Variants in SYTL2 observed in about 807,000 individuals in gnomAD.
The protein encoded by SYTL2 is synaptotagmin like 2.
In SYTL2, 165 loss-of-function variants were observed where a neutral mutation model predicts 198.7. The ratio of observed to expected loss-of-function variants is 0.83; its 90% CI spans 0.73 to 0.94. The LOEUF (loss-of-function observed/expected upper bound fraction) is 0.94. Among genes scored for constraint, SYTL2 ranks in the 40% least tolerant of loss-of-function variants. The pLI is 0.00. For synonymous variants in SYTL2, 966 were observed against 917.7 expected (o/e 1.05, Z -0.95); for missense variants, 2,835 against 2,582.8 (o/e 1.10, Z -2.12).
intron 1 of SYTL2, among the ~76,000 whole-genome samples, chr11:85,792,063 G>C (rs192334012): frequency 1.2e-4 from 19 of 152,200 alleles, no homozygotes; most frequent in Non-Finnish European, 2.5e-4. Context: ...ATTTGGGGAT[G>C]TACCCAGTAA....
At chr11:85,776,264 TTTATTA>T (rs975600534) in intron 1 of SYTL2, among the ~76,000 whole-genome samples, 12 of 152,210 alleles carry the variant, frequency 7.9e-5, no homozygotes, top group East Asian at 5.8e-4. Context: ...AAATAAACCT[TTTATTA>T]TTATTAAGTT....
chr11:85,707,637 T>A, intron 14 of SYTL2, 106 bp from the exon 15 acceptor site: 1 of 748,978 alleles, frequency 1.3e-6, no homozygotes, highest in South Asian at 1.7e-5. Flanking sequence ...AATTATTTCA[T>A]GACACTGAGA....
intron 1 of SYTL2, among the ~76,000 whole-genome samples, chr11:85,778,137 A>T (rs1331109340): frequency 5.3e-5 from 8 of 152,056 alleles, no homozygotes; most frequent in African/African-American, 1.9e-4. Context: ...TACTAGTGAG[A>T]CTTTAGTCAA....
Position 85,724,630 on chromosome 11 carries a change from A to C in SYTL2, c.4728T>G (p.Thr1576=), listed in dbSNP as rs771537010. Residue 1576 remains threonine, a synonymous_variant, in exon 8 of 20, where the codon ACT becomes ACG. Transcript: ENST00000359152. Reference sequence around the variant, plus strand: ...CCTGGGGCTGATAAGGAGGAGCTTCAGTTATTTCTTTAAGAAGTTTCTCAA... The same window carrying C: ...CCTGGGGCTGATAAGGAGGAGCTTCCGTTATTTCTTTAAGAAGTTTCTCAA... The part of the protein sequence containing the change: ...AGFEKLLKEI[T]EAPPYQPQVS... The C allele has an allele frequency of 2.5e-6, 4 of 1,613,234 alleles. No homozygotes were observed. The Admixed American group carries it at 6.7e-5, about 27-fold the overall frequency.
At chr11:85,728,195 C>A (rs115988447) in intron 7 of SYTL2, among the ~76,000 whole-genome samples, 1 of 152,158 alleles carries the variant, frequency 6.6e-6, no homozygotes, top group African/African-American at 2.4e-5. Context: ...CCTGGAAGTA[C>A]ATGGTATAGA....
At chr11:85,717,330 A>C (rs1302156277) in intron 11 of SYTL2, among the ~76,000 whole-genome samples, 153 bp downstream of exon 11, 2 of 152,230 alleles carry the variant, frequency 1.3e-5, no homozygotes, top group Non-Finnish European at 2.9e-5. Context: ...AATGTTTTCA[A>C]TAAAACCCTT....
intron 6 of SYTL2, among the ~76,000 whole-genome samples, chr11:85,735,674 C>T (rs1450456974): frequency 6.6e-6 from 1 of 151,818 alleles, no homozygotes; most frequent in East Asian, 1.9e-4. Context: ...CTAGAAGCCC[C>T]GGAACCCGGG....
intron 12 of SYTL2, among the ~76,000 whole-genome samples, 180 bp downstream of exon 12, chr11:85,714,233 T>C (rs1483293761): frequency 6.6e-6 from 1 of 152,248 alleles, no homozygotes; most frequent in Non-Finnish European, 1.5e-5. Flanking sequence ...TTGAGTCAAA[T>C]GAGATGTGCC....
the SYTL2 span, among the ~76,000 whole-genome samples, chr11:85,852,236 C>G: frequency 6.6e-6 from 1 of 152,144 alleles, no homozygotes; most frequent in Non-Finnish European, 1.5e-5. Flanking sequence ...ACGAAGGGAG[C>G]AGGGAAGCCT....
intron 13 of SYTL2, among the ~76,000 whole-genome samples, chr11:85,710,912 G>A (rs1035859882): frequency 6.6e-6 from 1 of 151,868 alleles, no homozygotes. Flanking sequence ...ACCCCACAAA[G>A]ATTTGTTTAT....
intron 10 of SYTL2, among the ~76,000 whole-genome samples, chr11:85,717,959 T>C (rs1215261542): frequency 6.6e-6 from 1 of 152,194 alleles, no homozygotes; most frequent in Non-Finnish European, 1.5e-5. Context: ...GTGAGGTTGT[T>C]GTAAACATAA....
intron 2 of SYTL2, among the ~76,000 whole-genome samples, chr11:85,754,893 G>A (rs34050255): frequency 0.057 from 8,683 of 152,188 alleles, 788 homozygotes; most frequent in African/African-American, 0.19. Context: ...ATAGAGCAGA[G>A]GGAAAAGCAC....
chr11:85,848,452 TTTGAG>T, the SYTL2 span, among the ~76,000 whole-genome samples: 23,798 of 151,946 alleles, frequency 0.16, 2,017 homozygotes, highest in Middle Eastern at 0.2. Context: ...TATGATTCAT[TTTGAG>T]TTAATTTTTT....
upstream of SYTL2, among the ~76,000 whole-genome samples, chr11:85,812,302 T>G (rs1011175749): frequency 5.9e-5 from 9 of 152,088 alleles, no homozygotes; most frequent in African/African-American, 2.2e-4. Flanking sequence ...AGGTCTTCCT[T>G]CTCCCAAACT....
chr11:85,810,446 T>C (rs2093016628), intron 1 of SYTL2, among the ~76,000 whole-genome samples: 1 of 152,138 alleles, frequency 6.6e-6, no homozygotes, highest in Admixed American at 6.5e-5. Context: ...GTGTAGTTTA[T>C]AGCTCGCCGT....
At chr11:85,826,368 G>C in the SYTL2 span, among the ~76,000 whole-genome samples, 2 of 152,210 alleles carry the variant, frequency 1.3e-5, no homozygotes, top group Non-Finnish European at 2.9e-5. Context: ...TGTCTGTGAG[G>C]GTTTGGGCAG....
intron 2 of SYTL2, among the ~76,000 whole-genome samples, chr11:85,754,324 T>C (rs535553195): frequency 6.6e-6 from 1 of 152,322 alleles, no homozygotes; most frequent in South Asian, 2.1e-4. Flanking sequence ...TTGTACTTAA[T>C]AGGTGCTCAA....
At position 85,724,791 on chromosome 11, in the gene SYTL2, G is replaced by C. The variant is rs1455877356; in HGVS notation, c.4567C>G (p.Leu1523Val). ...CTACCTATTAACTTTGATGGAGAAA[G>C]ATTCCCTGTATCACTTTCATATTTT... is the stretch of plus-strand genomic sequence containing the variant. ...PSKYESDTGN[L>V]SPSKLIGSTE... Residue 1523 changes from leucine (L) to valine (V), a missense_variant, in exon 8 of 20, where the codon CTT becomes GTT. By Grantham distance (32) the Leu-to-Val change is conservative. This residue lies in a region of SYTL2 where 2,645 missense variants were observed against 2,381.7 expected (regional missense o/e 1.11). Coordinates refer to ENST00000359152, the MANE Select transcript of SYTL2 (RefSeq NM_206927.4). 2 of 1,613,134 alleles carry C rather than the reference G, an allele frequency of 1.2e-6. No homozygotes were observed. The highest frequency in any genetic ancestry group is 2.2e-5 in the East Asian group (1 of 44,886).
chr11:85,812,117 A>G (rs2093042522), upstream of SYTL2, among the ~76,000 whole-genome samples: 1 of 152,316 alleles, frequency 6.6e-6, no homozygotes, highest in South Asian at 2.1e-4. Flanking sequence ...AAAAAAATAA[A>G]TAAAATAATT....
Sources: gnomAD v4.1 joint callset for allele counts (sites outside exome capture counted in the v4.1 genomes callset) on GRCh38, gnomAD v4.1.1 for gene constraint, gnomAD v4.1.1 regional missense constraint, MANE v1.5 for transcripts, NCBI Gene and HGNC (gene_info 2026-07-23, HGNC 2026-07-21) for gene names.